The following GTSE1 variants were observed in gnomAD, a reference collection of about 807,000 sequenced individuals.
GTSE1 encodes the protein G2 and S-phase expressed 1.
GTSE1 carries 52 observed loss-of-function variants against 60.5 expected under a neutral mutation model. The ratio of observed to expected loss-of-function variants is 0.86; its 90% CI spans 0.69 to 1.08. The LOEUF is 1.08. Among genes scored for constraint, GTSE1 ranks in the 50% least tolerant of loss-of-function variants. The probability of loss-of-function intolerance (pLI) is 0.00; values close to 1 mark genes in which losing one functional copy is unlikely to be tolerated. For missense variants in GTSE1, 937 were observed against 961.8 expected (o/e 0.97, Z 0.34); for synonymous variants, 368 against 386.5 (o/e 0.95, Z 0.56).
At chr22:46,305,374 C>T (rs2147814909) in intron 2 of GTSE1, among the ~76,000 whole-genome samples, 1 of 152,142 alleles carries the variant, frequency 6.6e-6, no homozygotes, top group East Asian at 1.9e-4. Flanking sequence ...CTTTGGAAGG[C>T]CGAGATGGAG....
Position 46,308,173 on chromosome 22 carries a change from A to G in GTSE1, c.103A>G (p.Lys35Glu). 1 of 1,613,378 alleles carries G rather than the reference A, an allele frequency of 6.2e-7. No individual in the cohort carries two copies. Among genetic ancestry groups the G allele is most frequent in the South Asian group, 1.1e-5 (1 of 91,030 alleles). Reference sequence around the variant, plus strand: ...AGACATTCTTCTTTTGGCCGATGAAAAATTTGACTTCGATCTTTCATTGTC... The same window carrying G: ...AGACATTCTTCTTTTGGCCGATGAAGAATTTGACTTCGATCTTTCATTGTC... ...KEDILLLADE[K>E]FDFDLSLSSS... is the part of the protein sequence containing the mutation. Residue 35 changes from lysine (K) to glutamate (E), a missense_variant, in exon 3 of 12, where the codon AAA becomes GAA. Lys to Glu is a moderately conservative substitution (Grantham distance 56). Coordinates refer to ENST00000454366, the MANE Select transcript of GTSE1 (RefSeq NM_016426.7).
Position 46,316,480 on chromosome 22 carries a change from C to A in GTSE1, c.1432+68C>A. The A allele has an allele frequency of 9.3e-7, 1 of 1,077,166 alleles. No individual in the cohort carries two copies. The highest frequency in any genetic ancestry group is 1.4e-6 in the Non-Finnish European group (1 of 736,984). The allele number at this position is 1,077,166 out of a possible 1,614,324, so 66.7% of individuals were successfully genotyped here. A position where few individuals can be genotyped will look rare whatever the true frequency, so the allele number is the denominator to read the frequency against. ...AAGAAATTGCATTTAAAGTTTTAAA[C>A]AATTATTGATGGCATTGATGGTGTT... On this transcript the variant is annotated intron_variant, in intron 7 of 11. Transcript: ENST00000454366. The surrounding 1 kb of genome is among the most constrained non-coding windows in gnomAD (Gnocchi z 5.0).
intron 2 of GTSE1, among the ~76,000 whole-genome samples, chr22:46,307,714 G>C (rs2077723092): frequency 6.6e-6 from 1 of 152,062 alleles, no homozygotes. Context: ...TGTTGACTAG[G>C]CTGGTCTTGA....
Position 46,317,849 on chromosome 22 carries a change from G to A in GTSE1, c.1432+1437G>A, listed in dbSNP as rs2077790059. 6.6e-6 allele frequency among the ~76,000 whole-genome samples: 1 copy of A among 152,020 alleles called. No homozygotes were observed. The highest frequency in any genetic ancestry group is 1.5e-5 in the Non-Finnish European group (1 of 67,972). On this transcript the variant is annotated intron_variant, in intron 7 of 11. Coordinates refer to ENST00000454366, the MANE Select transcript of GTSE1 (RefSeq NM_016426.7). The surrounding 1 kb of genome is among the most constrained non-coding windows in gnomAD (Gnocchi z 5.6). ...ACACCTTCTCGGCCCTGTGAGCTCC[G>A]CTCGTTGCTCCCTGGTAAGACGGCG...
At position 46,310,438 on chromosome 22, in the gene GTSE1, T is replaced by C. The variant is rs955269229; in HGVS notation, c.762+1495T>C. On this transcript the variant is annotated intron_variant, in intron 4 of 11. Transcript: ENST00000454366. The surrounding 1 kb of genome is among the most constrained non-coding windows in gnomAD (Gnocchi z 4.4). ...AAAAAAATAAATGTAGAGGGTCCCA[T>C]GGGACCCAGCAATTCCACTCCTTAG... 6.6e-6 allele frequency among the ~76,000 whole-genome samples: 1 copy of C among 152,090 alleles called. No individual in the cohort carries two copies. Among genetic ancestry groups the C allele is most frequent in the Non-Finnish European group, 1.5e-5 (1 of 67,994 alleles).
intron 4 of GTSE1, among the ~76,000 whole-genome samples, chr22:46,311,094 T>C (rs2077745806): frequency 6.6e-6 from 1 of 151,950 alleles, no homozygotes; most frequent in African/African-American, 2.4e-5. Context: ...GTTTTGTTTC[T>C]GAGACAGAGT....
At chr22:46,306,973 G>A (rs945326906) in intron 2 of GTSE1, among the ~76,000 whole-genome samples, 14 of 152,188 alleles carry the variant, frequency 9.2e-5, no homozygotes, top group African/African-American at 3.4e-4. Flanking sequence ...GTCTAGTTGG[G>A]GCCATAGAAG....
At chr22:46,300,448 A>G (rs1167203461) in intron 2 of GTSE1, among the ~76,000 whole-genome samples, 1 of 152,160 alleles carries the variant, frequency 6.6e-6, no homozygotes, top group East Asian at 1.9e-4. Context: ...CTTTGGAGAA[A>G]ATAAAAGCTC....
chr22:46,324,289 C>A lies in GTSE1; in HGVS notation c.1505+1027C>A, dbSNP rs1284418303. ...ACCAGAGCCAGGCAGCCACTGGCCA[C>A]CTCACTTGCCTCTCTGTGCCTCAGT... On this transcript the variant is annotated intron_variant, in intron 8 of 11. Transcript: ENST00000454366. This position sits in a 1 kb window ranked among gnomAD's most constrained non-coding sequence, Gnocchi z 5.2. 6.6e-6 allele frequency among the ~76,000 whole-genome samples: 1 copy of A among 152,204 alleles called. No individual in the cohort carries two copies. The highest frequency in any genetic ancestry group is 1.5e-5 in the Non-Finnish European group (1 of 68,038).
rs2077788865 is a variant in GTSE1, at chr22:46,317,611, C to T, written c.1432+1199C>T. Reference sequence around the variant, plus strand: ...TTGTCAGGTGTACACTTTTGAATGTCTGGATTTTGTTGTCTTTCTCTGAGG... The same window carrying T: ...TTGTCAGGTGTACACTTTTGAATGTTTGGATTTTGTTGTCTTTCTCTGAGG... On this transcript the variant is annotated intron_variant, in intron 7 of 11. Transcript: ENST00000454366. The surrounding 1 kb of genome is among the most constrained non-coding windows in gnomAD (Gnocchi z 5.6). 6.6e-6 allele frequency among the ~76,000 whole-genome samples: 1 copy of T among 152,142 alleles called. No individual in the cohort carries two copies. The highest frequency in any genetic ancestry group is 1.5e-5 in the Non-Finnish European group (1 of 68,048).
In GTSE1 at chr22:46,318,036, C is replaced by A. The variant is rs1776377725; in HGVS notation, c.1432+1624C>A. On this transcript the variant is annotated intron_variant, in intron 7 of 11. Transcript: ENST00000454366. The surrounding 1 kb of genome is among the most constrained non-coding windows in gnomAD (Gnocchi z 4.8). ...CGTTCTGTCGGAGTAGCCCCCTCCT[C>A]TCTAGTTTCTGGCCCTCAGATTGCA... Among the ~76,000 whole-genome samples, 1 of 152,238 alleles carries A rather than the reference C, an allele frequency of 6.6e-6. No individual in the cohort carries two copies. Among genetic ancestry groups the A allele is most frequent in the Non-Finnish European group, 1.5e-5 (1 of 68,040 alleles).
Position 46,330,014 on chromosome 22 carries a change from C to T in GTSE1, c.2137-33C>T, listed in dbSNP as rs777481962. On this transcript the variant is annotated intron_variant, in intron 11 of 11. Coordinates refer to ENST00000454366, the MANE Select transcript of GTSE1 (RefSeq NM_016426.7). The surrounding 1 kb of genome is among the most constrained non-coding windows in gnomAD (Gnocchi z 6.0). ...GGGGAAGGGAGGCCCTAGCCGGATC[C>T]ACGCTCACCTCCTCCACTCTGCTCT... The T allele has an allele frequency of 5.2e-6, 7 of 1,355,926 alleles. No individual in the cohort carries two copies. Among genetic ancestry groups the T allele is most frequent in the Non-Finnish European group, 6.4e-6 (6 of 944,366 alleles). The allele number at this position is 1,355,926 out of a possible 1,614,324, so 84.0% of individuals were successfully genotyped here.
In GTSE1 at chr22:46,302,691, G is replaced by C. The variant is rs117617423; in HGVS notation, c.79+5212G>C. On this transcript the variant is annotated intron_variant, in intron 2 of 11. Coordinates refer to ENST00000454366, the MANE Select transcript of GTSE1 (RefSeq NM_016426.7). ...AATCTTTGGTAGCTTCCAGTTTAGTGTCATAGTTAGAAGTCCACACTCCCA... is the reference window on the plus strand; with the variant it reads ...AATCTTTGGTAGCTTCCAGTTTAGTCTCATAGTTAGAAGTCCACACTCCCA... Among the ~76,000 whole-genome samples, 251 of 151,822 alleles carry C rather than the reference G, an allele frequency of 1.7e-3. 5 individuals carry two copies. In the East Asian group the frequency reaches 0.043, roughly 26 times the overall value.
Position 46,305,326 on chromosome 22 carries a change from T to C in GTSE1, c.80-2824T>C, listed in dbSNP as rs544480457. Among the ~76,000 whole-genome samples, 7 of 152,276 alleles carry C rather than the reference T, an allele frequency of 4.6e-5. No homozygotes were observed. In the South Asian group the frequency reaches 1.5e-3, roughly 32 times the overall value. ...ACATTTAGACAATTTAAATAAAAAA[T>C]AGACTGGATGCGGTGGCTCACGCCT... On this transcript the variant is annotated intron_variant, in intron 2 of 11. Transcript: ENST00000454366.
At chr22:46,326,785 T>G (rs1263237841) in intron 9 of GTSE1, 131 bp downstream of exon 9, 9 of 617,900 alleles carry the variant, frequency 1.5e-5, no homozygotes, top group South Asian at 2.4e-5. Flanking sequence ...TTGTTTGTTT[T>G]TTTTTTCATT....
At chr22:46,311,822 G>C (rs2077750127) in intron 4 of GTSE1, among the ~76,000 whole-genome samples, 1 of 152,216 alleles carries the variant, frequency 6.6e-6, no homozygotes, top group South Asian at 2.1e-4. Flanking sequence ...AACTAGACCA[G>C]CTTTCTCATT....
rs141501144 is a variant in GTSE1 at position 46,308,680 on chromosome 22, T to C, written c.499T>C (p.Tyr167His). The C allele has an allele frequency of 6.2e-7, 1 of 1,613,956 alleles. No individual in the cohort carries two copies. The highest frequency in any genetic ancestry group is 8.5e-7 in the Non-Finnish European group (1 of 1,180,032). Residue 167 changes from tyrosine (Y) to histidine (H), a missense_variant, in exon 4 of 12, where the codon TAC becomes CAC. Coordinates refer to ENST00000454366, the MANE Select transcript of GTSE1 (RefSeq NM_016426.7). ...SPTSLKRETY[Y>H]LSDSPLLGPP... ...CACGTCTCTTAAAAGGGAGACATAC[T>C]ACCTGTCAGACAGCCCCTTGCTGGG...
intron 2 of GTSE1, among the ~76,000 whole-genome samples, chr22:46,301,538 A>G (rs2077689297): frequency 6.8e-6 from 1 of 147,332 alleles, no homozygotes; most frequent in Non-Finnish European, 1.5e-5. Flanking sequence ...CCTAGGCTGG[A>G]GTGCAATGGT....
Position 46,324,588 on chromosome 22 carries a change from C to T in GTSE1, c.1505+1326C>T, listed in dbSNP as rs112142450. 2.4e-3 allele frequency among the ~76,000 whole-genome samples: 362 copies of T among 152,186 alleles called. 1 individual carries two copies. Among genetic ancestry groups the T allele is most frequent in the African/African-American group, 8.2e-3 (340 of 41,512 alleles). ...TTCACCGTGTTAGCCAGGATGGTCT[C>T]GATCTCCTGGCCTCGTGATCCACCA... On this transcript the variant is annotated intron_variant, in intron 8 of 11. Transcript: ENST00000454366. This position sits in a 1 kb window ranked among gnomAD's most constrained non-coding sequence, Gnocchi z 5.2.
Sources: allele counts gnomAD v4.1 joint callset (sites outside exome capture counted in the v4.1 genomes callset), GRCh38; gene constraint gnomAD v4.1.1; non-coding constraint Gnocchi (gnomAD v3.1); transcripts MANE v1.5; gene names NCBI Gene and HGNC (gene_info 2026-07-23, HGNC 2026-07-21).